TMEM132C: variants seen among roughly 807,000 people sequenced by gnomAD.
TMEM132C encodes the protein protein phosphatase 1, regulatory subunit 152.
Under a neutral mutation model 61.4 loss-of-function variants are expected in TMEM132C, and 29 were observed. The ratio of observed to expected loss-of-function variants is 0.47; its 90% CI spans 0.35 to 0.64. The LOEUF (loss-of-function observed/expected upper bound fraction) is 0.64. Among genes scored for constraint, TMEM132C ranks in the 30% least tolerant of loss-of-function variants. TMEM132C has a pLI of 0.00. For synonymous variants in TMEM132C, 656 were observed against 633.1 expected (o/e 1.04, Z -0.54); for missense variants, 1,408 against 1,476.9 (o/e 0.95, Z 0.76).
intron 3 of TMEM132C, among the ~76,000 whole-genome samples, chr12:128,615,284 GA>G (rs1434647032): frequency 6.6e-6 from 1 of 152,220 alleles, no homozygotes; most frequent in Non-Finnish European, 1.5e-5. Flanking sequence ...TTTTTCCACA[GA>G]TGGCGGTGGT....
intron 1 of TMEM132C, among the ~76,000 whole-genome samples, chr12:128,344,739 A>C (rs1205989269): frequency 6.6e-6 from 1 of 152,114 alleles, no homozygotes; most frequent in African/African-American, 2.4e-5. Flanking sequence ...GCATCTTTTC[A>C]TGAACTTATC....
chr12:128,302,181 G>C (rs1252057352), intron 1 of TMEM132C, among the ~76,000 whole-genome samples: 2 of 152,182 alleles, frequency 1.3e-5, no homozygotes, highest in Non-Finnish European at 1.5e-5. Context: ...CCTGACATTG[G>C]TGAAGTGCTG....
rs182359221 is a variant in TMEM132C at position 128,486,324 on chromosome 12, T to C, written c.975-57633T>C. 3.3e-5 allele frequency among the ~76,000 whole-genome samples: 5 copies of C among 152,242 alleles called. No homozygotes were observed. The East Asian group carries it at 5.8e-4, about 18-fold the overall frequency. ...GACATTCCTATCTCCAAGACGGACATGTGGTGAGTGAGGCAAGAGCTGGGG... is the reference window on the plus strand; with the variant it reads ...GACATTCCTATCTCCAAGACGGACACGTGGTGAGTGAGGCAAGAGCTGGGG... On this transcript the variant is annotated intron_variant, in intron 2 of 8. Transcript: ENST00000435159.
rs372782116 is a variant in TMEM132C at position 128,365,860 on chromosome 12, G to A, written c.86-48872G>A. Among the ~76,000 whole-genome samples, 12 of 152,242 alleles carry A rather than the reference G, an allele frequency of 7.9e-5. 1 individual carries two copies. Among genetic ancestry groups the A allele is most frequent in the Admixed American group, 6.5e-5 (1 of 15,308 alleles). On this transcript the variant is annotated intron_variant, in intron 1 of 8. Coordinates refer to ENST00000435159, the MANE Select transcript of TMEM132C (RefSeq NM_001136103.3). ...GGGATGGAGGTGGCCAGGCTGCCCCGTTGATTGTGTGCCGAGGAGCCCTCC... is the reference window on the plus strand; with the variant it reads ...GGGATGGAGGTGGCCAGGCTGCCCCATTGATTGTGTGCCGAGGAGCCCTCC...
intron 3 of TMEM132C, among the ~76,000 whole-genome samples, chr12:128,590,229 G>T (rs142683567): frequency 2.4e-4 from 37 of 152,244 alleles, no homozygotes; most frequent in African/African-American, 8.9e-4. Flanking sequence ...GGACAAGGAG[G>T]CCTGCTTGAG....
chr12:128,514,483 A>C (rs978302527), intron 2 of TMEM132C, among the ~76,000 whole-genome samples: 5 of 149,310 alleles, frequency 3.3e-5, no homozygotes, highest in African/African-American at 1.2e-4. Context: ...TTTTATTCTG[A>C]TGTTCATATG....
chr12:128,431,590 T>C (rs966624589), intron 2 of TMEM132C, among the ~76,000 whole-genome samples: 72 of 138,006 alleles, frequency 5.2e-4, no homozygotes, highest in Middle Eastern at 4.0e-3. Flanking sequence ...AGTCTCACTC[T>C]GTCACCCAAG....
intron 3 of TMEM132C, among the ~76,000 whole-genome samples, chr12:128,615,426 G>A (rs768942014): frequency 5.9e-5 from 9 of 152,308 alleles, no homozygotes; most frequent in Admixed American, 2.6e-4. Context: ...ATAAGTCACC[G>A]TAATGTAGAA....
At chr12:128,521,895 T>A (rs1372706825) in intron 2 of TMEM132C, among the ~76,000 whole-genome samples, 4 of 152,200 alleles carry the variant, frequency 2.6e-5, no homozygotes, top group African/African-American at 9.7e-5. Flanking sequence ...TGTTCAAAAT[T>A]ATGTGCTTCA....
intron 2 of TMEM132C, among the ~76,000 whole-genome samples, chr12:128,479,493 A>C (rs1871256699): frequency 6.6e-6 from 1 of 152,198 alleles, no homozygotes; most frequent in Admixed American, 6.5e-5. Flanking sequence ...GAAAAAAAGT[A>C]TTTTGTGACA....
At chr12:128,318,946 A>G (rs1230432259) in intron 1 of TMEM132C, among the ~76,000 whole-genome samples, 1 of 152,152 alleles carries the variant, frequency 6.6e-6, no homozygotes, top group Non-Finnish European at 1.5e-5. Context: ...TGGCAAAAAC[A>G]CTTCCCCCCA....
chr12:128,552,089 G>T (rs1490849838), intron 3 of TMEM132C, among the ~76,000 whole-genome samples: 3 of 152,216 alleles, frequency 2.0e-5, no homozygotes, highest in Non-Finnish European at 4.4e-5. Flanking sequence ...CCCCAGCGGG[G>T]TCGGTGTAGG....
intron 2 of TMEM132C, among the ~76,000 whole-genome samples, chr12:128,496,244 T>C (rs568210362): frequency 6.6e-6 from 1 of 152,314 alleles, no homozygotes; most frequent in South Asian, 2.1e-4. Flanking sequence ...AACCCGACCT[T>C]TCTCTTTGGC....
At chr12:128,590,421 GA>G (rs1255066258) in intron 3 of TMEM132C, among the ~76,000 whole-genome samples, 1 of 149,358 alleles carries the variant, frequency 6.7e-6, no homozygotes, top group Admixed American at 6.8e-5. Flanking sequence ...TGGAGAAAAA[GA>G]AAAGGTTGCA....
At chr12:128,392,207 G>T (rs1713602) in intron 1 of TMEM132C, among the ~76,000 whole-genome samples, 1 of 152,098 alleles carries the variant, frequency 6.6e-6, no homozygotes, top group African/African-American at 2.4e-5. Flanking sequence ...AGCTCCTGGG[G>T]GGAGGTGGGT....
At chr12:128,493,202 G>T (rs1420097793) in intron 2 of TMEM132C, among the ~76,000 whole-genome samples, 3 of 152,080 alleles carry the variant, frequency 2.0e-5, no homozygotes, top group African/African-American at 7.2e-5. Flanking sequence ...CTGTTCCATT[G>T]GTCTATATCT....
At chr12:128,514,305 C>T (rs1270921368) in intron 2 of TMEM132C, among the ~76,000 whole-genome samples, 2 of 152,226 alleles carry the variant, frequency 1.3e-5, no homozygotes, top group Admixed American at 6.5e-5. Flanking sequence ...AGAGCTCACA[C>T]TCTGTGCTAA....
intron 2 of TMEM132C, among the ~76,000 whole-genome samples, chr12:128,431,129 C>T (rs986087657): frequency 5.3e-5 from 8 of 152,208 alleles, no homozygotes; most frequent in African/African-American, 9.7e-5. Context: ...ATGAAACGTG[C>T]GACTCCAGTG....
chr12:128,688,538 C>A (rs1954695178), intron 5 of TMEM132C, among the ~76,000 whole-genome samples: 1 of 152,060 alleles, frequency 6.6e-6, no homozygotes, highest in Admixed American at 6.5e-5. Flanking sequence ...AGTAAAACAT[C>A]CACTGTGACT....
Sources: allele counts gnomAD v4.1 joint callset (sites outside exome capture counted in the v4.1 genomes callset), GRCh38; gene constraint gnomAD v4.1.1; transcripts MANE v1.5; gene names NCBI Gene and HGNC (gene_info 2026-07-23, HGNC 2026-07-21).